PTPRN2: variants seen among roughly 807,000 people sequenced by gnomAD.
The protein encoded by PTPRN2 is receptor-type tyrosine-protein phosphatase N2.
PTPRN2 carries 74 observed loss-of-function variants against 118.8 expected under a neutral mutation model. That is an observed-to-expected ratio of 0.62 (90% CI 0.52 to 0.76). The LOEUF (loss-of-function observed/expected upper bound fraction) is 0.76. Among genes scored for constraint, PTPRN2 ranks in the 30% least tolerant of loss-of-function variants. The pLI, the probability that PTPRN2 is intolerant of heterozygous loss-of-function variation, is 0.00. For synonymous variants in PTPRN2, 641 were observed against 608.0 expected, an observed-to-expected ratio of 1.05 and a Z score of -0.80; for missense variants, 1,481 against 1,394.4, an observed-to-expected ratio of 1.06 and a Z score of -0.99.
At chr7:157,805,562 T>G (rs117918206) in intron 12 of PTPRN2, among the ~76,000 whole-genome samples, 2,888 of 152,326 alleles carry the variant, frequency 0.019, 81 homozygotes, top group South Asian at 0.12. Flanking sequence ...GTATTCGACG[T>G]AAACTCCCGG....
intron 11 of PTPRN2, among the ~76,000 whole-genome samples, chr7:157,995,194 T>A (rs903915971): frequency 6.7e-6 from 1 of 148,724 alleles, no homozygotes; most frequent in South Asian, 2.2e-4. Context: ...AACTCCTTGT[T>A]CTAAAATCAA....
At chr7:157,727,647 G>A (rs7791910) in intron 12 of PTPRN2, among the ~76,000 whole-genome samples, 82,893 of 152,068 alleles carry the variant, frequency 0.55, 23,585 homozygotes, top group Non-Finnish European at 0.63. Flanking sequence ...AATGCTAAGA[G>A]GCGTGCACCT....
rs764785321 is a variant in PTPRN2 at position 157,745,376 on chromosome 7, C to T, written c.1789-62439G>A. Among the ~76,000 whole-genome samples, 57 of 144,282 alleles carry T rather than the reference C, an allele frequency of 4.0e-4. 1 individual carries two copies. The highest frequency in any genetic ancestry group is 3.6e-4 in the Non-Finnish European group (23 of 64,292). The allele number at this position is 144,282 out of a possible 152,430, so 94.7% of individuals were successfully genotyped here. On this transcript the variant is annotated intron_variant, in intron 12 of 22. Coordinates refer to ENST00000389418, the MANE Select transcript of PTPRN2 (RefSeq NM_002847.5). ...TCCAGACGAACGCAAGGCTGAGAGC[C>T]GGGGGTGGTCTGCGGGAGGCAGGCA... is the stretch of plus-strand genomic sequence containing the variant.
At chr7:158,586,167 C>T (rs946822926) in intron 1 of PTPRN2, among the ~76,000 whole-genome samples, 2 of 152,232 alleles carry the variant, frequency 1.3e-5, no homozygotes, top group African/African-American at 4.8e-5. Context: ...CCTCCTTTCC[C>T]AGCGCCTGTG....
At chr7:158,407,663 G>A (rs1480704661) in intron 2 of PTPRN2, among the ~76,000 whole-genome samples, 3 of 134,124 alleles carry the variant, frequency 2.2e-5, no homozygotes, top group African/African-American at 8.3e-5. Flanking sequence ...TGCATCCTGC[G>A]TCCTGCGTCC....
intron 2 of PTPRN2, among the ~76,000 whole-genome samples, chr7:158,331,555 C>T (rs1328111281): frequency 1.8e-4 from 24 of 131,500 alleles, no homozygotes; most frequent in African/African-American, 2.7e-4. Flanking sequence ...AGCTGACACC[C>T]GCAGACGTCA....
intron 12 of PTPRN2, among the ~76,000 whole-genome samples, chr7:157,885,037 G>T (rs939924368): frequency 1.3e-5 from 2 of 152,058 alleles, no homozygotes; most frequent in Non-Finnish European, 1.5e-5. Context: ...CTTGTGAATC[G>T]GTTTTTTGTT....
rs1209815266 is a variant in PTPRN2, at chr7:158,441,649, GTGGTGA to G, written c.163+48080_163+48085del. On this transcript the variant is annotated intron_variant, in intron 2 of 22. Coordinates refer to ENST00000389418, the MANE Select transcript of PTPRN2 (RefSeq NM_002847.5). ...GGTGATAGTGATGGTGATGGCAATG[GTGGTGA>G]TGGTGATGGTGATGGTGATCAGTGA... 9.7e-3 allele frequency among the ~76,000 whole-genome samples: 1,397 copies of G among 144,034 alleles called. 9 individuals are homozygous for G. The highest frequency in any genetic ancestry group is 0.037 in the East Asian group (173 of 4,728). The allele number at this position is 144,034 out of a possible 152,430, so 94.5% of individuals were successfully genotyped here. A position where few individuals can be genotyped will look rare whatever the true frequency, so the allele number is the denominator to read the frequency against.
chr7:158,261,899 G>C (rs1344686423), intron 3 of PTPRN2, among the ~76,000 whole-genome samples: 1 of 152,224 alleles, frequency 6.6e-6, no homozygotes, highest in Non-Finnish European at 1.5e-5. Context: ...CACACAGTTA[G>C]TGCTCAGGAG....
At chr7:158,261,154 C>G (rs1426328602) in intron 3 of PTPRN2, among the ~76,000 whole-genome samples, 1 of 152,164 alleles carries the variant, frequency 6.6e-6, no homozygotes, top group Non-Finnish European at 1.5e-5. Flanking sequence ...TCCCAGCGCA[C>G]CCCAGGACAT....
chr7:158,058,026 A>G (rs955733257), intron 11 of PTPRN2, among the ~76,000 whole-genome samples: 2 of 152,250 alleles, frequency 1.3e-5, no homozygotes, highest in African/African-American at 4.8e-5. Context: ...ATCTAGAAAT[A>G]AATAAGTACA....
At chr7:158,180,783 C>G (rs1192719916) in intron 5 of PTPRN2, among the ~76,000 whole-genome samples, 1 of 152,156 alleles carries the variant, frequency 6.6e-6, no homozygotes, top group African/African-American at 2.4e-5. Context: ...GATTTGTGTA[C>G]ATTGATTTTG....
chr7:157,693,850 T>C (rs887713384), intron 12 of PTPRN2, among the ~76,000 whole-genome samples: 4 of 152,168 alleles, frequency 2.6e-5, no homozygotes, highest in Non-Finnish European at 5.9e-5. Context: ...CTCTCCGAGG[T>C]GGCCAGGAGT....
intron 11 of PTPRN2, among the ~76,000 whole-genome samples, chr7:157,991,480 G>A (rs983481957): frequency 6.6e-6 from 1 of 152,238 alleles, no homozygotes; most frequent in East Asian, 1.9e-4. Flanking sequence ...CTTCACTGAA[G>A]GAAACTCACA....
intron 12 of PTPRN2, among the ~76,000 whole-genome samples, chr7:157,734,457 G>T (rs1457662735): frequency 6.6e-6 from 1 of 152,256 alleles, no homozygotes; most frequent in Non-Finnish European, 1.5e-5. Context: ...TCAGGAGCAA[G>T]CATGCTTGAA....
rs1804589194 is a variant in PTPRN2 at position 157,994,884 on chromosome 7, GTGT to G, written c.1723+86411_1723+86413del. 2.9e-4 allele frequency among the ~76,000 whole-genome samples: 2 copies of G among 6,938 alleles called. 1 individual carries two copies. The allele number at this position is 6,938 out of a possible 152,430, so 4.6% of individuals were successfully genotyped here. ...GCTCCTTGTTCCTAAAATCAACGCC[GTGT>G]CCCCAGCTTACAACTCCTTGTTCCT... On this transcript the variant is annotated intron_variant, in intron 11 of 22. Coordinates refer to ENST00000389418, the MANE Select transcript of PTPRN2 (RefSeq NM_002847.5).
chr7:158,151,321 TC>T (rs2150530189), intron 6 of PTPRN2, among the ~76,000 whole-genome samples: 1 of 37,440 alleles, frequency 2.7e-5, no homozygotes, highest in Admixed American at 3.4e-4. Context: ...CCGCCCACCT[TC>T]TATTCCTGCC....
At chr7:158,038,901 T>C (rs1202866731) in intron 11 of PTPRN2, among the ~76,000 whole-genome samples, 1 of 151,352 alleles carries the variant, frequency 6.6e-6, no homozygotes, top group African/African-American at 2.4e-5. Context: ...AATTCACTAA[T>C]GAGGAAATTT....
At chr7:158,325,245 A>G (rs1563140169) in intron 2 of PTPRN2, among the ~76,000 whole-genome samples, 1 of 152,036 alleles carries the variant, frequency 6.6e-6, no homozygotes, top group Non-Finnish European at 1.5e-5. Flanking sequence ...CGCCGTGAAC[A>G]CGACCAGCTC....
Sources: allele counts gnomAD v4.1 joint callset (sites outside exome capture counted in the v4.1 genomes callset), GRCh38; gene constraint gnomAD v4.1.1; transcripts MANE v1.5; gene names NCBI Gene and HGNC (gene_info 2026-07-23, HGNC 2026-07-21).